Variants in SGPL1 observed in about 807,000 individuals in gnomAD.
SGPL1 encodes the protein sphingosine-1-phosphate lyase 1, also known as SP-lyase 1.
Under a neutral mutation model 68.9 loss-of-function variants are expected in SGPL1, and 37 were observed. That is an observed-to-expected ratio of 0.54 (90% CI 0.41 to 0.71). The LOEUF (loss-of-function observed/expected upper bound fraction) is 0.71, where lower values mean the gene tolerates loss of function less well. Ranked by LOEUF, SGPL1 falls within the 30% of genes least tolerant of loss-of-function variation. The probability of loss-of-function intolerance (pLI) is 0.00; values close to 1 mark genes in which losing one functional copy is unlikely to be tolerated. For synonymous variants in SGPL1, 236 were observed against 248.5 expected (o/e 0.95, Z 0.47); for missense variants, 551 against 704.6 (o/e 0.78, Z 2.47).
chr10:70,837,960 C>G (rs1304057606), intron 2 of SGPL1, among the ~76,000 whole-genome samples: 1 of 152,166 alleles, frequency 6.6e-6, no homozygotes, highest in Non-Finnish European at 1.5e-5. Flanking sequence ...CATCCTTTAT[C>G]AGGAGCCCAC....
In SGPL1 at chr10:70,875,126, G is replaced by A. The variant is rs188406867; in HGVS notation, c.1299-276G>A. ...CTAGGGGAATATAATTGGGAGTTGG[G>A]TAGACAGGTTCGAAGTCAGTGATTG... On this transcript the variant is annotated intron_variant, in intron 12 of 14. Transcript: ENST00000373202. 4.7e-3 allele frequency among the ~76,000 whole-genome samples: 713 copies of A among 152,298 alleles called. 9 individuals carry two copies. The highest frequency in any genetic ancestry group is 0.023 in the Admixed American group (354 of 15,294).
chr10:70,862,633 C>T (rs900328925), intron 7 of SGPL1, among the ~76,000 whole-genome samples: 2 of 152,162 alleles, frequency 1.3e-5, no homozygotes, highest in Admixed American at 1.3e-4. Context: ...CAGCTTCACT[C>T]CTGAAGCCAG....
In SGPL1 at chr10:70,878,318, C is replaced by T. The variant is rs147685895; in HGVS notation, c.*983C>T. The T allele has an allele frequency of 1.2e-4, 19 of 152,380 alleles. No individual in the cohort carries two copies. Among genetic ancestry groups the T allele is most frequent in the African/African-American group, 4.6e-4 (19 of 41,578 alleles). 9.4% of individuals were successfully genotyped at this position (152,380 alleles called of 1,614,324 possible). A position where few individuals can be genotyped will look rare whatever the true frequency, so the allele number is the denominator to read the frequency against. ...TTCTGTGCCTGCAGTCCCCATTTGA[C>T]ACTTGGTTGCCACCATCTTTGGAGA... is the stretch of plus-strand genomic sequence containing the variant. On this transcript the variant is annotated 3_prime_UTR_variant, in exon 15 of 15. Coordinates refer to ENST00000373202, the MANE Select transcript of SGPL1 (RefSeq NM_003901.4).
intron 2 of SGPL1, among the ~76,000 whole-genome samples, chr10:70,824,008 A>G (rs1845388202): frequency 1.3e-5 from 2 of 152,354 alleles, no homozygotes; most frequent in East Asian, 1.9e-4. Flanking sequence ...CATAAAATGT[A>G]CTGCTATTCT....
intron 3 of SGPL1, among the ~76,000 whole-genome samples, chr10:70,845,439 TCTC>T (rs892701150): frequency 7.2e-5 from 11 of 152,118 alleles, no homozygotes; most frequent in African/African-American, 2.2e-4. Flanking sequence ...ACAGGATCTC[TCTC>T]CTCTTGGAGT....
intron 6 of SGPL1, 37 bp downstream of exon 6, chr10:70,857,727 TG>T (rs1845989242): frequency 1.4e-6 from 2 of 1,425,836 alleles, no homozygotes; most frequent in Non-Finnish European, 1.9e-6. Context: ...CTGTGAGGTC[TG>T]TGCCAGTTTA....
At chr10:70,872,842 G>A (rs1399718335) in intron 11 of SGPL1, among the ~76,000 whole-genome samples, 3 of 152,098 alleles carry the variant, frequency 2.0e-5, no homozygotes, top group Non-Finnish European at 2.9e-5. Context: ...AAGGAAACCA[G>A]TTACATAGTT....
chr10:70,873,682 GC>G, intron 12 of SGPL1, 93 bp downstream of exon 12: 2 of 926,054 alleles, frequency 2.2e-6, no homozygotes, highest in East Asian at 2.4e-5. Flanking sequence ...CATAGCCCTA[GC>G]CCACCTGTTG....
intron 2 of SGPL1, among the ~76,000 whole-genome samples, chr10:70,823,913 G>A (rs1845386409): frequency 6.6e-6 from 1 of 152,130 alleles, no homozygotes; most frequent in Non-Finnish European, 1.5e-5. Flanking sequence ...TGTCTATAGG[G>A]AAAGCTTTCT....
intron 9 of SGPL1, among the ~76,000 whole-genome samples, chr10:70,870,218 C>G (rs921647234): frequency 6.6e-6 from 1 of 152,016 alleles, no homozygotes; most frequent in African/African-American, 2.4e-5. Flanking sequence ...TTACCATGGC[C>G]CGGGCATGGT....
At chr10:70,863,802 T>G (rs940895428) in intron 7 of SGPL1, among the ~76,000 whole-genome samples, 1 of 152,226 alleles carries the variant, frequency 6.6e-6, no homozygotes, top group African/African-American at 2.4e-5. Context: ...TTTTCTCTTT[T>G]GCAGTAGTGG....
chr10:70,842,773 C>T (rs1372002667), intron 2 of SGPL1, among the ~76,000 whole-genome samples: 2 of 152,184 alleles, frequency 1.3e-5, no homozygotes, highest in Non-Finnish European at 2.9e-5. Flanking sequence ...GGAGGATAGG[C>T]ATCCAAACCA....
intron 2 of SGPL1, among the ~76,000 whole-genome samples, chr10:70,826,811 C>T (rs1051655489): frequency 8.6e-5 from 13 of 151,860 alleles, no homozygotes; most frequent in East Asian, 3.9e-4. Flanking sequence ...TGTGATTTTC[C>T]TGTGTTGCTC....
intron 2 of SGPL1, among the ~76,000 whole-genome samples, chr10:70,832,382 A>G (rs1313127482): frequency 6.6e-6 from 1 of 152,182 alleles, no homozygotes; most frequent in Non-Finnish European, 1.5e-5. Flanking sequence ...CCTCATCTCT[A>G]ATAGCAGCAT....
intron 7 of SGPL1, among the ~76,000 whole-genome samples, chr10:70,859,892 T>G (rs1452986009): frequency 6.6e-6 from 1 of 152,198 alleles, no homozygotes; most frequent in African/African-American, 2.4e-5. Flanking sequence ...CTACACTCTT[T>G]CCCTCCCTAC....
rs763892147 is a variant in SGPL1, at chr10:70,873,397, A to G, written c.1106A>G (p.Lys369Arg). ...KGSSLVLYSDKKYRNYQFFVD... is the reference protein window; with the variant it reads ...KGSSLVLYSDRKYRNYQFFVD... ...TCATCATTGGTGTTGTATAGTGACA[A>G]GAAGTACAGGAACTATCAGTTCTTC... Residue 369 changes from lysine to arginine, a missense_variant, in exon 12 of 15, where the codon AAG becomes AGG. Physicochemically the swap from Lys to Arg is conservative, Grantham distance 26. Coordinates refer to ENST00000373202, the MANE Select transcript of SGPL1 (RefSeq NM_003901.4). The G allele has an allele frequency of 5.0e-6, 8 of 1,614,242 alleles. No homozygotes were observed. The highest frequency in any genetic ancestry group is 5.1e-6 in the Non-Finnish European group (6 of 1,180,046).
chr10:70,830,615 A>G (rs1845518554), intron 2 of SGPL1, among the ~76,000 whole-genome samples: 1 of 152,190 alleles, frequency 6.6e-6, no homozygotes, highest in Non-Finnish European at 1.5e-5. Flanking sequence ...GGCTTACTTT[A>G]CTTATATAGG....
chr10:70,832,604 T>A (rs1274619318), intron 2 of SGPL1, among the ~76,000 whole-genome samples: 2 of 152,258 alleles, frequency 1.3e-5, no homozygotes, highest in African/African-American at 4.8e-5. Flanking sequence ...ATCTTGCTTA[T>A]TATCCAAGAA....
intron 12 of SGPL1, among the ~76,000 whole-genome samples, chr10:70,874,524 AGACCAGCCT>A (rs1846352224): frequency 6.6e-6 from 1 of 152,228 alleles, no homozygotes. Context: ...CCAGAGTTCA[AGACCAGCCT>A]GACCAACAGG....
Sources: gnomAD v4.1 joint callset for allele counts (sites outside exome capture counted in the v4.1 genomes callset) on GRCh38, gnomAD v4.1.1 for gene constraint, MANE v1.5 for transcripts, NCBI Gene and HGNC (gene_info 2026-07-23, HGNC 2026-07-21) for gene names.